The following EXOC2 variants were observed in gnomAD, a reference collection of about 807,000 sequenced individuals.
EXOC2 encodes SEC5-like 1.
In EXOC2, 70 loss-of-function variants were observed where a neutral mutation model predicts 131.8. The observed-to-expected ratio is 0.53, with a 90% CI of 0.44 to 0.65. The LOEUF (loss-of-function observed/expected upper bound fraction) is 0.65, where lower values mean the gene tolerates loss of function less well. Ranked by LOEUF, EXOC2 falls within the 30% of genes least tolerant of loss-of-function variation. The pLI, the probability that EXOC2 is intolerant of heterozygous loss-of-function variation, is 0.00. For synonymous variants in EXOC2, 411 were observed against 398.4 expected (o/e 1.03, Z -0.38); for missense variants, 923 against 1,108.6 (o/e 0.83, Z 2.38).
chr6:532,743 A>C (rs1403543099), intron 22 of EXOC2, 133 bp from the exon 23 acceptor site: 1 of 849,480 alleles, frequency 1.2e-6, no homozygotes, highest in Non-Finnish European at 1.6e-6. Flanking sequence ...CGTGACTTTT[A>C]TATATTTTCA....
chr6:640,826 A>G (rs368780216), intron 1 of EXOC2, among the ~76,000 whole-genome samples: 12 of 152,314 alleles, frequency 7.9e-5, no homozygotes, highest in African/African-American at 2.6e-4. Flanking sequence ...ATGTTGTTTA[A>G]GCCACTCGGT....
intron 23 of EXOC2, among the ~76,000 whole-genome samples, chr6:510,942 C>A (rs1764810035): frequency 6.6e-6 from 1 of 152,210 alleles, no homozygotes; most frequent in African/African-American, 2.4e-5. Flanking sequence ...GGTGTTACTT[C>A]TGGACATACT....
chr6:532,663 AG>A (rs1766159933), intron 22 of EXOC2, 53 bp from the exon 23 acceptor site: 1 of 1,360,654 alleles, frequency 7.3e-7, no homozygotes, highest in Non-Finnish European at 9.6e-7. Flanking sequence ...TGATGGAAAA[AG>A]TAAAATAATG....
chr6:619,709 T>G (rs1488461503), intron 4 of EXOC2, among the ~76,000 whole-genome samples, 166 bp from the exon 5 acceptor site: 1 of 152,222 alleles, frequency 6.6e-6, no homozygotes, highest in Non-Finnish European at 1.5e-5. Flanking sequence ...CAAAATATAT[T>G]TCCCACATCA....
intron 1 of EXOC2, chr6:669,253 A>G (rs906092751): frequency 6.6e-6 from 1 of 152,328 alleles, no homozygotes; most frequent in African/African-American, 2.4e-5. Context: ...GTGTCTGTGG[A>G]TGAAGATAAG....
chr6:553,330 G>A (rs1044830193), intron 21 of EXOC2, among the ~76,000 whole-genome samples: 1 of 152,014 alleles, frequency 6.6e-6, no homozygotes, highest in Admixed American at 6.5e-5. Context: ...ATTTTAAAAA[G>A]TGTGTGTGTA....
At chr6:525,239 A>C (rs1765679813) in intron 23 of EXOC2, 1 of 152,258 alleles carries the variant, frequency 6.6e-6, no homozygotes, top group African/African-American at 2.4e-5. Flanking sequence ...TCACAGGCTT[A>C]CATAAAGGCA....
intron 1 of EXOC2, among the ~76,000 whole-genome samples, chr6:671,674 T>C (rs1168763388): frequency 6.6e-6 from 1 of 152,224 alleles, no homozygotes; most frequent in Non-Finnish European, 1.5e-5. Context: ...AAAAAGTTTA[T>C]TTCTCCTTCA....
chr6:658,645 T>TTA (rs373868934), intron 1 of EXOC2, among the ~76,000 whole-genome samples: 15,733 of 117,932 alleles, frequency 0.13, 1,538 homozygotes, highest in Admixed American at 0.21. Flanking sequence ...TATATATATT[T>TTA]TATATATATA....
rs1271056971 is a variant in EXOC2, at chr6:507,328, AC to A, written c.2381-7629del. On this transcript the variant is annotated intron_variant, in intron 23 of 27. Coordinates refer to ENST00000230449, the MANE Select transcript of EXOC2 (RefSeq NM_018303.6). Reference sequence around the variant, plus strand: ...ACACACACACACACACAAAGAAGTGACCCCCCCCACACACACCACAGCAGTG... The same window carrying A: ...ACACACACACACACACAAAGAAGTGACCCCCCCACACACACCACAGCAGTG... 3.4e-3 allele frequency among the ~76,000 whole-genome samples: 131 copies of A among 38,784 alleles called. 4 individuals carry two copies. The highest frequency in any genetic ancestry group is 7.5e-3 in the South Asian group (4 of 532). The allele number at this position is 38,784 out of a possible 152,430, so 25.4% of individuals were successfully genotyped here.
At chr6:650,440 A>G (rs1762778401) in intron 1 of EXOC2, among the ~76,000 whole-genome samples, 1 of 151,424 alleles carries the variant, frequency 6.6e-6, no homozygotes, top group African/African-American at 2.5e-5. Flanking sequence ...TTTCACAATT[A>G]AACTAAAAAC....
chr6:487,709 T>C (rs1316365871), intron 27 of EXOC2, among the ~76,000 whole-genome samples: 1 of 152,082 alleles, frequency 6.6e-6, no homozygotes, highest in Admixed American at 6.5e-5. Flanking sequence ...CCGGCCCAAG[T>C]CATCTAATTT....
chr6:617,554 G>C (rs899069019), intron 6 of EXOC2, among the ~76,000 whole-genome samples, 157 bp downstream of exon 6: 5 of 152,220 alleles, frequency 3.3e-5, no homozygotes, highest in South Asian at 4.1e-4. Context: ...AGTCTTCAAA[G>C]AGATGCCAGC....
rs59474432 is a variant in EXOC2, at chr6:557,617, C to CAAAA, written c.1852-1057_1852-1054dup. On this transcript the variant is annotated intron_variant, in intron 17 of 27. Coordinates refer to ENST00000230449, the MANE Select transcript of EXOC2 (RefSeq NM_018303.6). ...TGGGTGACAGAGAGAGACTTCATCT[C>CAAAA]AAAAAAAAAAAAAAAAAAGAAAAGA... Among the ~76,000 whole-genome samples the CAAAA allele has an allele frequency of 2.7e-5, 3 of 111,176 alleles. 1 individual carries two copies. Among genetic ancestry groups the CAAAA allele is most frequent in the Non-Finnish European group, 3.4e-5 (2 of 58,214 alleles). The allele number at this position is 111,176 out of a possible 152,430, so 72.9% of individuals were successfully genotyped here.
intron 23 of EXOC2, among the ~76,000 whole-genome samples, chr6:511,589 G>C (rs1043934744): frequency 1.3e-5 from 2 of 152,200 alleles, no homozygotes; most frequent in African/African-American, 2.4e-5. Flanking sequence ...GAAGTGTGAG[G>C]CCAAGAGAGG....
In EXOC2 at chr6:485,348, G is replaced by A. The variant is rs1762989463; in HGVS notation, c.*1323C>T. On this transcript the variant is annotated 3_prime_UTR_variant, in exon 28 of 28. Coordinates refer to ENST00000230449, the MANE Select transcript of EXOC2 (RefSeq NM_018303.6). ...TTAAACTTTCATTTCCAGTTACCATGATGTCCCCCCATACACCAAATGAAC... is the reference window on the plus strand; with the variant it reads ...TTAAACTTTCATTTCCAGTTACCATAATGTCCCCCCATACACCAAATGAAC... 2 of 152,136 alleles carry A rather than the reference G, an allele frequency of 1.3e-5. No homozygotes were observed. The highest frequency in any genetic ancestry group is 4.1e-4 in the South Asian group (2 of 4,826). The allele number at this position is 152,136 out of a possible 1,614,324, so 9.4% of individuals were successfully genotyped here.
At chr6:604,839 G>A (rs576482264) in intron 7 of EXOC2, among the ~76,000 whole-genome samples, 6 of 151,400 alleles carry the variant, frequency 4.0e-5, no homozygotes, top group South Asian at 2.1e-4. Flanking sequence ...GCCCACCGCC[G>A]GCCTCTGCTT....
At chr6:545,548 A>G (rs1034270758) in intron 22 of EXOC2, among the ~76,000 whole-genome samples, 6 of 152,242 alleles carry the variant, frequency 3.9e-5, no homozygotes, top group African/African-American at 1.2e-4. Context: ...CAGAAGAAAA[A>G]GCGCTAACCT....
intron 23 of EXOC2, among the ~76,000 whole-genome samples, chr6:500,517 T>C (rs1763985318): frequency 1.3e-5 from 2 of 152,164 alleles, no homozygotes; most frequent in African/African-American, 4.8e-5. Flanking sequence ...AGAATAATAA[T>C]TGTCCCACCC....
Sources: allele counts gnomAD v4.1 joint callset (sites outside exome capture counted in the v4.1 genomes callset), GRCh38; gene constraint gnomAD v4.1.1; transcripts MANE v1.5; gene names NCBI Gene and HGNC (gene_info 2026-07-23, HGNC 2026-07-21).